Variants in ADGRE5 observed in about 807,000 individuals in gnomAD.
ADGRE5 encodes adhesion G protein-coupled receptor E5.
Under a neutral mutation model 100.3 loss-of-function variants are expected in ADGRE5, and 72 were observed. The observed-to-expected ratio is 0.72, with a 90% CI of 0.59 to 0.87. ADGRE5 has a LOEUF of 0.87. Among genes scored for constraint, ADGRE5 ranks in the 40% least tolerant of loss-of-function variants. The pLI is 0.00. For synonymous variants in ADGRE5, 439 were observed against 447.8 expected, an observed-to-expected ratio of 0.98 and a Z score of 0.25; for missense variants, 959 against 1,094.7, an observed-to-expected ratio of 0.88 and a Z score of 1.75.
At chr19:14,404,745 A>G in intron 13 of ADGRE5, 183 bp downstream of exon 13, 3 of 577,406 alleles carry the variant, frequency 5.2e-6, no homozygotes, top group South Asian at 4.5e-5. Context: ...TCTACAACCC[A>G]GCAACTATAC....
intron 1 of ADGRE5, among the ~76,000 whole-genome samples, chr19:14,382,661 G>A (rs1293267678): frequency 6.6e-6 from 1 of 152,136 alleles, no homozygotes; most frequent in East Asian, 1.9e-4. Flanking sequence ...CCAGGGACTG[G>A]AGACTAGCCT....
intron 1 of ADGRE5, among the ~76,000 whole-genome samples, chr19:14,384,950 G>GTC (rs929520656): frequency 3.3e-5 from 3 of 91,256 alleles, no homozygotes; most frequent in Admixed American, 1.2e-4. Flanking sequence ...CTATCTCTCT[G>GTC]TCTCTCTCTC....
At chr19:14,405,445 G>A (rs1976187266) in intron 13 of ADGRE5, 1 of 337,902 alleles carries the variant, frequency 3.0e-6, no homozygotes, top group Non-Finnish European at 5.4e-6. Flanking sequence ...CACCCAGCCT[G>A]GAGCACCACT....
In ADGRE5 at chr19:14,406,529, T is replaced by C. The variant is rs113482271; in HGVS notation, c.2020T>C (p.Tyr674His). Residue 674 changes from tyrosine (Y) to histidine (H), a missense_variant, in exon 15 of 20, where the codon TAC becomes CAC. Physicochemically the swap from Tyr to His is moderately conservative, Grantham distance 83. Transcript: ENST00000242786. The surrounding 1 kb of genome is among the most constrained non-coding windows in gnomAD (Gnocchi z 6.0). Reference sequence around the variant, plus strand: ...CATCGTGGGCGTCTCGGCTGCCATCTACAGCAAGGGCTACGGCCGCCCCAG... The same window carrying C: ...CATCGTGGGCGTCTCGGCTGCCATCCACAGCAAGGGCTACGGCCGCCCCAG... ...LLIVGVSAAI[Y>H]SKGYGRPRYC... 1.6e-4 allele frequency: 247 copies of C among 1,575,882 alleles called. 1 individual carries two copies. In the African/African-American group the frequency reaches 2.8e-3, roughly 18 times the overall value.
At chr19:14,394,496 G>T (rs1471171185) in intron 4 of ADGRE5, among the ~76,000 whole-genome samples, 1 of 152,008 alleles carries the variant, frequency 6.6e-6, no homozygotes, top group Non-Finnish European at 1.5e-5. Context: ...CCTGAGACTC[G>T]GGACACTCCA....
chr19:14,397,987 T>C (rs1975848737), intron 8 of ADGRE5, 52 bp downstream of exon 8: 2 of 1,506,586 alleles, frequency 1.3e-6, no homozygotes, highest in Admixed American at 3.4e-5. Context: ...CACACAGCAC[T>C]GCATCCGTCT....
intron 4 of ADGRE5, among the ~76,000 whole-genome samples, chr19:14,395,199 G>A (rs2146359317): frequency 6.6e-6 from 1 of 152,180 alleles, no homozygotes; most frequent in Non-Finnish European, 1.5e-5. Flanking sequence ...TACTCAGGAG[G>A]CTGAGGCAGG....
intron 1 of ADGRE5, among the ~76,000 whole-genome samples, chr19:14,385,001 A>T (rs1402010502): frequency 0.024 from 930 of 38,120 alleles, no homozygotes; most frequent in Middle Eastern, 0.1. Flanking sequence ...TTTTTTTGAG[A>T]CTCTTGCTCT....
rs1312179247 is a variant in ADGRE5, at chr19:14,397,089, G to A, written c.491G>A (p.Cys164Tyr). 2 of 1,613,928 alleles carry A rather than the reference G, an allele frequency of 1.2e-6. No individual in the cohort carries two copies. The highest frequency in any genetic ancestry group is 1.7e-5 in the Admixed American group (1 of 59,996). Residue 164 changes from cysteine (C) to tyrosine (Y), a missense_variant, in exon 6 of 20, where the codon TGC (cysteine) becomes TAC (tyrosine). Transcript: ENST00000242786. ...GCTTTGTCCTCAGATGTGAATGAAT[G>A]CACCTCCGGACAAAACCCGTGCCAC... ...DPKVCTDVNE[C>Y]TSGQNPCHSS...
chr19:14,385,401 C>T (rs898833507), intron 1 of ADGRE5, among the ~76,000 whole-genome samples: 1 of 150,856 alleles, frequency 6.6e-6, no homozygotes, highest in Non-Finnish European at 1.5e-5. Context: ...CTCTGTCTGT[C>T]TCTCTCTCTC....
At chr19:14,386,679 G>A (rs1203882429) in intron 1 of ADGRE5, among the ~76,000 whole-genome samples, 1 of 124,678 alleles carries the variant, frequency 8.0e-6, no homozygotes, top group African/African-American at 3.2e-5. Flanking sequence ...GGGCGACAGA[G>A]CAAGACTCCG....
intron 5 of ADGRE5, among the ~76,000 whole-genome samples, 194 bp downstream of exon 5, chr19:14,396,667 AG>A (rs1157840817): frequency 6.6e-6 from 1 of 152,244 alleles, no homozygotes. Flanking sequence ...CAGGGCCTTC[AG>A]GGCTGGAGTG....
chr19:14,403,833 G>A (rs374281399), intron 12 of ADGRE5, among the ~76,000 whole-genome samples: 2 of 131,822 alleles, frequency 1.5e-5, no homozygotes, highest in South Asian at 2.4e-4. Context: ...TTACTTATTC[G>A]TTAGGTTTAT....
chr19:14,382,362 T>C (rs976073107), intron 1 of ADGRE5, among the ~76,000 whole-genome samples: 2 of 152,114 alleles, frequency 1.3e-5, no homozygotes, highest in East Asian at 3.9e-4. Context: ...GCACACTTGT[T>C]GGGGGCAGTT....
At position 14,401,210 on chromosome 19, in the gene ADGRE5, G is replaced by C. The variant is rs16979634; in HGVS notation, c.898-176G>C. 6.6e-6 allele frequency among the ~76,000 whole-genome samples: 1 copy of C among 152,136 alleles called. No homozygotes were observed. The highest frequency in any genetic ancestry group is 1.5e-5 in the Non-Finnish European group (1 of 68,030). On this transcript the variant is annotated intron_variant, in intron 9 of 19. Transcript: ENST00000242786. This position sits in a 1 kb window ranked among gnomAD's most constrained non-coding sequence, Gnocchi z 4.1. ...CAGTGTTAAGCGCTGTGATTCATAC[G>C]TGCATGCAGGCAAATACTCAATCCG... is the stretch of plus-strand genomic sequence containing the variant.
intron 4 of ADGRE5, among the ~76,000 whole-genome samples, chr19:14,395,326 C>T (rs1467064745): frequency 6.7e-6 from 1 of 149,658 alleles, no homozygotes; most frequent in Non-Finnish European, 1.5e-5. Context: ...AAAACAAAAA[C>T]GCACTCAGAG....
intron 1 of ADGRE5, among the ~76,000 whole-genome samples, chr19:14,385,606 G>A (rs1224263435): frequency 3.3e-5 from 5 of 152,008 alleles, no homozygotes; most frequent in Non-Finnish European, 5.9e-5. Context: ...CGGCTACAGC[G>A]TCTTCCTGTG....
In ADGRE5 at chr19:14,397,784, A is replaced by G; in HGVS notation, c.752A>G (p.Gln251Arg). Residue 251 changes from glutamine to arginine, a missense_variant, in exon 7 of 20, where the codon CAA (glutamine) becomes CGA (arginine). Gln to Arg is a conservative substitution (Grantham distance 43, BLOSUM62 1). This residue lies in a region of ADGRE5 where 69 missense variants were observed against 135.0 expected (regional missense o/e 0.51). Transcript: ENST00000242786. ...WKPRHGIPNN[Q>R]KDTVCEDMTF... ...CCCAGACACGGAATCCCGAATAACC[A>G]AAAGGACACTGTCTGTGAAGGTATG... 3 of 1,290,262 alleles carry G rather than the reference A, an allele frequency of 2.3e-6. No homozygotes were observed. Among genetic ancestry groups the G allele is most frequent in the Non-Finnish European group, 3.2e-6 (3 of 943,140 alleles). 79.9% of individuals were successfully genotyped at this position (1,290,262 alleles called of 1,614,324 possible).
rs1248370220 is a variant in ADGRE5 at position 14,407,121 on chromosome 19, C to T, written c.2268C>T (p.Gly756=). The T allele has an allele frequency of 1.2e-6, 2 of 1,614,148 alleles. No homozygotes were observed. Among genetic ancestry groups the T allele is most frequent in the Admixed American group, 3.3e-5 (2 of 60,028 alleles). Residue 756 remains glycine (G), a synonymous_variant, in exon 18 of 20, where the codon GGC becomes GGT. Coordinates refer to ENST00000242786, the MANE Select transcript of ADGRE5 (RefSeq NM_078481.4). The part of the protein sequence containing the change: ...LFLLGCTWVF[G]LFIFDDRSLV... ...TGTTGGGCTGCACCTGGGTCTTTGG[C>T]CTGTTCATCTTCGACGATCGGAGCT...
Sources: gnomAD v4.1 joint callset for allele counts (sites outside exome capture counted in the v4.1 genomes callset) on GRCh38, gnomAD v4.1.1 for gene constraint, gnomAD v4.1.1 regional missense constraint, Gnocchi (gnomAD v3.1) non-coding constraint, MANE v1.5 for transcripts, NCBI Gene and HGNC (gene_info 2026-07-23, HGNC 2026-07-21) for gene names.